SSBP2: variants seen among roughly 807,000 people sequenced by gnomAD.
SSBP2 encodes single stranded DNA binding protein 2, also known as single-stranded DNA-binding protein 2.
SSBP2 carries 17 observed loss-of-function variants against 61.8 expected under a neutral mutation model. That is an observed-to-expected ratio of 0.28 (90% CI 0.19 to 0.41). The LOEUF (loss-of-function observed/expected upper bound fraction) is 0.41. Ranked by LOEUF, SSBP2 falls within the 10% of genes least tolerant of loss-of-function variation. The pLI is 1.00. For missense variants in SSBP2, 310 were observed against 458.7 expected, an observed-to-expected ratio of 0.68 and a Z score of 2.96; for synonymous variants, 139 against 141.3, an observed-to-expected ratio of 0.98 and a Z score of 0.12.
At chr5:81,440,829 C>A (rs1281284269) in intron 13 of SSBP2, among the ~76,000 whole-genome samples, 193 bp from the exon 14 acceptor site, 1 of 152,148 alleles carries the variant, frequency 6.6e-6, no homozygotes, top group South Asian at 2.1e-4. Flanking sequence ...ATATTGTTTT[C>A]TCTATGTTCC....
intron 1 of SSBP2, among the ~76,000 whole-genome samples, chr5:81,652,130 G>A (rs1350994606): frequency 2.6e-5 from 4 of 152,192 alleles, no homozygotes; most frequent in Non-Finnish European, 5.9e-5. Context: ...GAGAGGCAGA[G>A]AGTGAATGAA....
chr5:81,579,227 TTTC>T (rs1774463024), intron 4 of SSBP2, among the ~76,000 whole-genome samples: 2 of 151,862 alleles, frequency 1.3e-5, no homozygotes, highest in Admixed American at 1.3e-4. Context: ...AGAAAACAAG[TTTC>T]TTATTGTTTT....
At chr5:81,460,505 C>T (rs972370380) in intron 10 of SSBP2, among the ~76,000 whole-genome samples, 10 of 152,102 alleles carry the variant, frequency 6.6e-5, no homozygotes, top group Admixed American at 1.3e-4. Flanking sequence ...CATCAAACCA[C>T]GGCCACAAAT....
At chr5:81,477,302 G>A (rs1398239072) in intron 6 of SSBP2, among the ~76,000 whole-genome samples, 1 of 152,104 alleles carries the variant, frequency 6.6e-6, no homozygotes, top group Non-Finnish European at 1.5e-5. Context: ...GCACACGCAT[G>A]GATCTGTGAC....
intron 1 of SSBP2, among the ~76,000 whole-genome samples, chr5:81,708,102 C>A (rs972155075): frequency 6.6e-6 from 1 of 152,112 alleles, no homozygotes; most frequent in Non-Finnish European, 1.5e-5. Flanking sequence ...TATAACCCCC[C>A]GCTAAGACAC....
At chr5:81,694,186 T>G (rs1029650491) in intron 1 of SSBP2, among the ~76,000 whole-genome samples, 1 of 152,048 alleles carries the variant, frequency 6.6e-6, no homozygotes, top group African/African-American at 2.4e-5. Context: ...TAAAGGGTAG[T>G]GGGGCGAGGA....
At chr5:81,493,629 G>T (rs753457620) in intron 5 of SSBP2, among the ~76,000 whole-genome samples, 34 of 152,012 alleles carry the variant, frequency 2.2e-4, no homozygotes, top group Non-Finnish European at 3.8e-4. Context: ...GGTGGCATGT[G>T]CCTGTAGTCC....
At chr5:81,733,454 C>T (rs1756396436) in intron 1 of SSBP2, among the ~76,000 whole-genome samples, 1 of 151,948 alleles carries the variant, frequency 6.6e-6, no homozygotes, top group Non-Finnish European at 1.5e-5. Flanking sequence ...GTCAGAAACC[C>T]CCATTATAGC....
chr5:81,544,268 T>C (rs1307007616), intron 4 of SSBP2, among the ~76,000 whole-genome samples: 1 of 152,106 alleles, frequency 6.6e-6, no homozygotes, highest in Non-Finnish European at 1.5e-5. Context: ...AGGCTGGTCT[T>C]CAACTCCTGA....
chr5:81,430,207 T>C (rs1561387099), intron 15 of SSBP2, among the ~76,000 whole-genome samples: 1 of 152,132 alleles, frequency 6.6e-6, no homozygotes. Flanking sequence ...AAAAGGAAAA[T>C]GAATTTATAA....
chr5:81,673,825 C>A (rs1751767283), intron 1 of SSBP2, among the ~76,000 whole-genome samples: 1 of 152,184 alleles, frequency 6.6e-6, no homozygotes, highest in African/African-American at 2.4e-5. Flanking sequence ...CTCAATACTA[C>A]ATACCAAAGA....
intron 1 of SSBP2, among the ~76,000 whole-genome samples, chr5:81,697,811 A>T (rs1486403672): frequency 6.6e-6 from 1 of 152,204 alleles, no homozygotes; most frequent in Non-Finnish European, 1.5e-5. Context: ...GTAAGTACTA[A>T]GCCCCTAAAT....
Position 81,451,795 on chromosome 5 carries a change from A to C in SSBP2, c.688-2970T>G, listed in dbSNP as rs556866828. The stretch of plus-strand genomic sequence containing the variant: ...AAGAGTTAAATAAAATAAACATTTA[A>C]AAATACTTTTACAAATGTTATCTCA... On this transcript the variant is annotated intron_variant, in intron 10 of 16. Transcript: ENST00000320672. Among the ~76,000 whole-genome samples, 3 of 152,260 alleles carry C rather than the reference A, an allele frequency of 2.0e-5. No homozygotes were observed. The South Asian group carries it at 6.2e-4, about 31-fold the overall frequency.
In SSBP2 at chr5:81,593,492, G is replaced by A. The variant is rs535396157; in HGVS notation, c.282+21981C>T. ...TTCAAATTCAGGAAATACAGAGAAC[G>A]CCACAAAGATACTCCTTGAGAAGAG... On this transcript the variant is annotated intron_variant, in intron 4 of 16. Coordinates refer to ENST00000320672, the MANE Select transcript of SSBP2 (RefSeq NM_012446.5). 1.2e-4 allele frequency among the ~76,000 whole-genome samples: 19 copies of A among 152,172 alleles called. No individual in the cohort carries two copies. In the East Asian group the frequency reaches 1.7e-3, roughly 14 times the overall value.
In SSBP2 at chr5:81,489,260, A is replaced by G; in HGVS notation, c.422T>C (p.Ile141Thr). ...GCACATAAATCTTACCTGATTAGGTATCCTCAATGGGGGCCTTGGACCTCC... is the reference window on the plus strand; with the variant it reads ...GCACATAAATCTTACCTGATTAGGTGTCCTCAATGGGGGCCTTGGACCTCC... Residue 141 changes from isoleucine (I) to threonine (T), a missense_variant, in exon 6 of 17, where the codon ATA (isoleucine) becomes ACA (threonine). Transcript: ENST00000320672. 1.2e-6 allele frequency: 2 copies of G among 1,609,366 alleles called. No individual in the cohort carries two copies. Among genetic ancestry groups the G allele is most frequent in the South Asian group, 2.2e-5 (2 of 89,992 alleles).
chr5:81,515,326 C>T (rs911472184), intron 4 of SSBP2, among the ~76,000 whole-genome samples: 1 of 151,892 alleles, frequency 6.6e-6, no homozygotes, highest in Non-Finnish European at 1.5e-5. Flanking sequence ...CATAGCCTAT[C>T]ACTATTGTTC....
At chr5:81,610,554 A>G (rs1745344302) in intron 4 of SSBP2, among the ~76,000 whole-genome samples, 1 of 152,214 alleles carries the variant, frequency 6.6e-6, no homozygotes, top group South Asian at 2.1e-4. Flanking sequence ...GGCTGGCTGC[A>G]AATAATTCCT....
At chr5:81,582,112 GGTT>G (rs1368693134) in intron 4 of SSBP2, among the ~76,000 whole-genome samples, 3 of 152,028 alleles carry the variant, frequency 2.0e-5, no homozygotes, top group Non-Finnish European at 4.4e-5. Flanking sequence ...TTAAAGCTCT[GGTT>G]GTTTTGTCTA....
intron 8 of SSBP2, among the ~76,000 whole-genome samples, chr5:81,468,202 T>C (rs534887810): frequency 1.3e-5 from 2 of 152,108 alleles, no homozygotes; most frequent in South Asian, 4.1e-4. Context: ...GCTCTTGATG[T>C]TTCTTCCTTT....
Sources: allele counts gnomAD v4.1 joint callset (sites outside exome capture counted in the v4.1 genomes callset), GRCh38; gene constraint gnomAD v4.1.1; transcripts MANE v1.5; gene names NCBI Gene and HGNC (gene_info 2026-07-23, HGNC 2026-07-21).